The following BDKRB2 variants were observed in gnomAD, a reference collection of about 807,000 sequenced individuals.
BDKRB2 encodes bradykinin receptor B2.
BDKRB2 carries 6 observed loss-of-function variants against 4.0 expected under a neutral mutation model. The observed-to-expected ratio is 1.49, with a 90% CI of 0.81 to 2.93. BDKRB2 has a LOEUF of 2.93. Ranked by LOEUF, BDKRB2 falls within the 30% of genes most tolerant of loss-of-function variation. The pLI, the probability that BDKRB2 is intolerant of heterozygous loss-of-function variation, is 0.00. For synonymous variants in BDKRB2, 225 were observed against 215.3 expected (o/e 1.05, Z -0.40); for missense variants, 478 against 520.1 (o/e 0.92, Z 0.79).
At chr14:96,207,481 C>T (rs1319913529) in intron 1 of BDKRB2, among the ~76,000 whole-genome samples, 2 of 151,996 alleles carry the variant, frequency 1.3e-5, no homozygotes, top group African/African-American at 4.8e-5. Context: ...TGGGAGGAGC[C>T]CAGAGACTTT....
At chr14:96,205,859 C>A (rs1890168343) in intron 1 of BDKRB2, among the ~76,000 whole-genome samples, 1 of 152,100 alleles carries the variant, frequency 6.6e-6, no homozygotes, top group Non-Finnish European at 1.5e-5. Context: ...GTTTCCGCAG[C>A]CTGGGTGGAG....
chr14:96,217,974 C>A (rs1202348452), intron 1 of BDKRB2, among the ~76,000 whole-genome samples: 1 of 152,096 alleles, frequency 6.6e-6, no homozygotes, highest in Non-Finnish European at 1.5e-5. Flanking sequence ...TCCCCACTTA[C>A]GAGCCTGTGA....
At chr14:96,207,532 G>A (rs181942084) in intron 1 of BDKRB2, among the ~76,000 whole-genome samples, 56 of 152,296 alleles carry the variant, frequency 3.7e-4, no homozygotes, top group Admixed American at 3.7e-3. Context: ...AATGGTAGAG[G>A]CATGTCATTG....
intron 1 of BDKRB2, among the ~76,000 whole-genome samples, chr14:96,222,278 C>A (rs1308178675): frequency 6.6e-6 from 1 of 152,102 alleles, no homozygotes; most frequent in African/African-American, 2.4e-5. Context: ...CACTTCCCTG[C>A]GTTCACCAAC....
rs2069577 is a variant in BDKRB2 at position 96,237,010 on chromosome 14, C to T, written c.-39-59C>T. 435 of 974,044 alleles carry T rather than the reference C, an allele frequency of 4.5e-4. No individual in the cohort carries two copies. In the East Asian group the frequency reaches 7.4e-3, roughly 16 times the overall value. 60.3% of individuals were successfully genotyped at this position (974,044 alleles called of 1,614,324 possible). On this transcript the variant is annotated intron_variant, in intron 1 of 2. Coordinates refer to ENST00000554311, the MANE Select transcript of BDKRB2 (RefSeq NM_001379692.1). The stretch of plus-strand genomic sequence containing the variant: ...CATTTCTCCTCCCTGCTGGAGAATG[C>T]GTGTATTTTGCAATCCCCAGCCCCT...
In BDKRB2 at chr14:96,240,420, T is replaced by C; in HGVS notation, c.92T>C (p.Val31Ala). ...TASFSADMLN[V>A]TLQGPTLNGT... ...TCTTTCAGCGCCGACATGCTCAATG[T>C]CACCTTGCAAGGGCCCACTCTTAAC... The change falls in exon 3 of 3, where the codon GTC becomes GCC. Residue 31 changes from valine (V) to alanine (A), a missense_variant. Coordinates refer to ENST00000554311, the MANE Select transcript of BDKRB2 (RefSeq NM_001379692.1). 3 of 1,462,206 alleles carry C rather than the reference T, an allele frequency of 2.1e-6. No individual in the cohort carries two copies. Among genetic ancestry groups the C allele is most frequent in the African/African-American group, 1.4e-5 (1 of 70,340 alleles). 90.6% of individuals were successfully genotyped at this position (1,462,206 alleles called of 1,614,324 possible). A position where few individuals can be genotyped will look rare whatever the true frequency, so the allele number is the denominator to read the frequency against.
chr14:96,222,650 C>T (rs984552670), intron 1 of BDKRB2, among the ~76,000 whole-genome samples: 1 of 152,224 alleles, frequency 6.6e-6, no homozygotes, highest in East Asian at 1.9e-4. Context: ...CAGAGCTGCA[C>T]ACTCTCCAAT....
intron 1 of BDKRB2, among the ~76,000 whole-genome samples, chr14:96,216,895 A>C (rs866417306): frequency 2.0e-5 from 3 of 152,224 alleles, no homozygotes; most frequent in Non-Finnish European, 2.9e-5. Flanking sequence ...CAATCGGCAC[A>C]TCCTACAAAT....
chr14:96,214,375 G>A (rs573419798), intron 1 of BDKRB2, among the ~76,000 whole-genome samples: 1 of 152,278 alleles, frequency 6.6e-6, no homozygotes, highest in East Asian at 1.9e-4. Context: ...GAGAGAGGAC[G>A]GGAACCAACA....
At chr14:96,224,448 T>C (rs1667048755) in intron 1 of BDKRB2, among the ~76,000 whole-genome samples, 1 of 152,188 alleles carries the variant, frequency 6.6e-6, no homozygotes, top group South Asian at 2.1e-4. Context: ...TGTAATGTGC[T>C]TAAAAATATG....
intron 1 of BDKRB2, 104 bp from the exon 2 acceptor site, chr14:96,236,965 G>C: frequency 1.4e-6 from 1 of 730,772 alleles, no homozygotes; most frequent in Non-Finnish European, 2.4e-6. Context: ...CGTCCATTGA[G>C]TCAGGGACTC....
intron 1 of BDKRB2, among the ~76,000 whole-genome samples, chr14:96,216,482 G>A (rs983271608): frequency 2.0e-5 from 3 of 151,966 alleles, no homozygotes; most frequent in Non-Finnish European, 2.9e-5. Context: ...AAATTAGTGA[G>A]CTGTGGTGGC....
chr14:96,239,206 G>C (rs181315416), intron 2 of BDKRB2: 1 of 985,314 alleles, frequency 1.0e-6, no homozygotes, highest in East Asian at 1.1e-4. Flanking sequence ...CTGCCCTCTG[G>C]GTTGTGCTTT....
chr14:96,209,671 G>C (rs1312516417), intron 1 of BDKRB2, among the ~76,000 whole-genome samples: 1 of 152,196 alleles, frequency 6.6e-6, no homozygotes, highest in African/African-American at 2.4e-5. Context: ...TTCACCTGGT[G>C]CTCAGTCAAT....
intron 1 of BDKRB2, among the ~76,000 whole-genome samples, chr14:96,215,488 G>T (rs1325640663): frequency 2.0e-5 from 3 of 151,874 alleles, no homozygotes; most frequent in Admixed American, 6.6e-5. Flanking sequence ...AAAAGGGAGG[G>T]GGTTGAAGGT....
chr14:96,209,154 G>T (rs372928489), intron 1 of BDKRB2, among the ~76,000 whole-genome samples: 10 of 152,326 alleles, frequency 6.6e-5, no homozygotes, highest in African/African-American at 2.4e-4. Context: ...CGGGGGTCCT[G>T]CTCTGGGGAC....
intron 1 of BDKRB2, chr14:96,223,490 T>C: frequency 1.6e-6 from 1 of 615,912 alleles, no homozygotes; most frequent in South Asian, 1.9e-5. Flanking sequence ...AATGTGCTGG[T>C]AACTGCTTTG....
chr14:96,217,315 C>T (rs1438588019), intron 1 of BDKRB2, among the ~76,000 whole-genome samples: 1 of 152,240 alleles, frequency 6.6e-6, no homozygotes, highest in African/African-American at 2.4e-5. Flanking sequence ...GTGAGGCCCA[C>T]CTGGCACCAG....
intron 1 of BDKRB2, among the ~76,000 whole-genome samples, chr14:96,231,115 C>T (rs926626223): frequency 5.9e-5 from 9 of 152,110 alleles, no homozygotes; most frequent in South Asian, 2.1e-4. Context: ...AAATAAGTTC[C>T]GGGGTATCCA....
Sources: allele counts gnomAD v4.1 joint callset (sites outside exome capture counted in the v4.1 genomes callset), GRCh38; gene constraint gnomAD v4.1.1; transcripts MANE v1.5; gene names NCBI Gene and HGNC (gene_info 2026-07-23, HGNC 2026-07-21).